Variants in TYRO3 observed in about 807,000 individuals in gnomAD.
TYRO3 encodes TYRO3 protein tyrosine kinase.
Under a neutral mutation model 95.2 loss-of-function variants are expected in TYRO3, and 38 were observed. That is an observed-to-expected ratio of 0.40 (90% CI 0.31 to 0.52). TYRO3 has a LOEUF of 0.52. Ranked by LOEUF, TYRO3 falls within the 20% of genes least tolerant of loss-of-function variation. The pLI is 0.56. For missense variants in TYRO3, 812 were observed against 1,116.4 expected, an observed-to-expected ratio of 0.73 and a Z score of 3.89; for synonymous variants, 367 against 432.9, an observed-to-expected ratio of 0.85 and a Z score of 1.89.
chr15:41,569,966 A>G, intron 9 of TYRO3, 61 bp from the exon 10 acceptor site: 2 of 1,563,420 alleles, frequency 1.3e-6, no homozygotes, highest in Non-Finnish European at 8.6e-7. Flanking sequence ...CATCCTGGGA[A>G]AGTTCTGAAG....
At chr15:41,573,152 G>T in intron 16 of TYRO3, 41 bp downstream of exon 16, 1 of 1,306,118 alleles carries the variant, frequency 7.7e-7, no homozygotes, top group Non-Finnish European at 1.1e-6. Flanking sequence ...GACAGCAGCA[G>T]GTGCCAAGAG....
At chr15:41,572,643 A>G in intron 15 of TYRO3, 79 bp downstream of exon 15, 1 of 1,585,976 alleles carries the variant, frequency 6.3e-7, no homozygotes, top group Non-Finnish European at 8.6e-7. Flanking sequence ...ACCCTGGCAG[A>G]GAGGGGCTTG....
intron 7 of TYRO3, 52 bp from the exon 8 acceptor site, chr15:41,568,165 T>G (rs2055747840): frequency 6.2e-7 from 1 of 1,608,196 alleles, no homozygotes; most frequent in South Asian, 1.1e-5. Flanking sequence ...TGCATGGAAT[T>G]ATGATGGTGG....
chr15:41,564,971 C>G, intron 5 of TYRO3, 55 bp from the exon 6 acceptor site: 1 of 1,230,626 alleles, frequency 8.1e-7, no homozygotes, highest in Non-Finnish European at 1.2e-6. Context: ...CCCATGCCTC[C>G]TGCTGCCTCT....
rs2055922951 is a variant in TYRO3, at chr15:41,581,547, T to C, written c.*3271T>C. 6.6e-6 allele frequency: 1 copy of C among 151,754 alleles called. No individual in the cohort carries two copies. The highest frequency in any genetic ancestry group is 1.5e-5 in the Non-Finnish European group (1 of 67,942). The allele number at this position is 151,754 out of a possible 1,614,324, so 9.4% of individuals were successfully genotyped here. ...TGATTGAAAAGACCTTCACTATCGG[T>C]TGGGGGCGGTGGCTGATGCCTGTAA... is the stretch of plus-strand genomic sequence containing the variant. On this transcript the variant is annotated 3_prime_UTR_variant, in exon 19 of 19. Coordinates refer to ENST00000263798, the MANE Select transcript of TYRO3 (RefSeq NM_006293.4).
chr15:41,561,828 C>G (rs569726784), intron 3 of TYRO3, 189 bp downstream of exon 3: 1 of 477,600 alleles, frequency 2.1e-6, no homozygotes, highest in African/African-American at 2.0e-5. Context: ...TATCTGAGAA[C>G]CAAGGGACCA....
intron 18 of TYRO3, among the ~76,000 whole-genome samples, chr15:41,576,712 G>A (rs1320338949): frequency 7.0e-6 from 1 of 143,882 alleles, no homozygotes; most frequent in Non-Finnish European, 1.5e-5. Context: ...CAGCCAGGCT[G>A]GAGTGCAGTA....
In TYRO3 at chr15:41,573,405, C is replaced by G. The variant is rs777901246; in HGVS notation, c.2083C>G (p.Pro695Ala). 1.9e-6 allele frequency: 3 copies of G among 1,614,272 alleles called. No individual in the cohort carries two copies. Among genetic ancestry groups the G allele is most frequent in the Non-Finnish European group, 2.5e-6 (3 of 1,180,058 alleles). Residue 695 changes from proline (P) to alanine (A), a missense_variant, in exon 17 of 19, where the codon CCT becomes GCT. By Grantham distance (27) the Pro-to-Ala change is conservative (BLOSUM62 -1). Coordinates refer to ENST00000263798, the MANE Select transcript of TYRO3 (RefSeq NM_006293.4). ...TCGTCAAGGCTGTGCCTCCAAACTGCCTGTCAAGTGGCTGGCCCTGGAGAG... is the reference window on the plus strand; with the variant it reads ...TCGTCAAGGCTGTGCCTCCAAACTGGCTGTCAAGTGGCTGGCCCTGGAGAG... ...YYRQGCASKLPVKWLALESLA... is the reference protein window; with the variant it reads ...YYRQGCASKLAVKWLALESLA...
At chr15:41,559,502 G>T (rs1252509556) in intron 1 of TYRO3, 121 bp downstream of exon 1, 1 of 271,854 alleles carries the variant, frequency 3.7e-6, no homozygotes, top group Non-Finnish European at 6.9e-6. Flanking sequence ...GCCGAAGGCC[G>T]AGGCTCGGAG....
rs1213943993 is a variant in TYRO3, at chr15:41,582,379, A to C, written c.*4103A>C. ...CCCTGTCTTTACTAAAAATACACAAAATTAGCCAGGTATGGTGGCAGGCAC... is the reference window on the plus strand; with the variant it reads ...CCCTGTCTTTACTAAAAATACACAACATTAGCCAGGTATGGTGGCAGGCAC... On this transcript the variant is annotated 3_prime_UTR_variant, in exon 19 of 19. Transcript: ENST00000263798. The C allele has an allele frequency of 6.6e-6, 1 of 152,078 alleles. No homozygotes were observed. Among genetic ancestry groups the C allele is most frequent in the Non-Finnish European group, 1.5e-5 (1 of 68,030 alleles). The allele number at this position is 152,078 out of a possible 1,614,324, so 9.4% of individuals were successfully genotyped here.
At chr15:41,566,371 C>T (rs1403840480) in intron 6 of TYRO3, among the ~76,000 whole-genome samples, 2 of 144,664 alleles carry the variant, frequency 1.4e-5, no homozygotes, top group African/African-American at 5.1e-5. Context: ...TCTGGCCCTC[C>T]TTTGGCCACA....
Position 41,578,031 on chromosome 15 carries a change from G to A in TYRO3, c.2428G>A (p.Ala810Thr), listed in dbSNP as rs780732445. 2 of 1,614,142 alleles carry A rather than the reference G, an allele frequency of 1.2e-6. No individual in the cohort carries two copies. Among genetic ancestry groups the A allele is most frequent in the Non-Finnish European group, 1.7e-6 (2 of 1,180,042 alleles). Reference sequence around the variant, plus strand: ...CCCCTTATACATCAACATCGAGAGAGCTGAGGAGCCCACTGCGGGAGGCAG... The same window carrying A: ...CCCCTTATACATCAACATCGAGAGAACTGAGGAGCCCACTGCGGGAGGCAG... ...QDPLYINIER[A>T]EEPTAGGSLE... The change falls in exon 19 of 19, where the codon GCT becomes ACT. Residue 810 changes from alanine (A) to threonine (T), a missense_variant. Ala to Thr is a moderately conservative substitution (Grantham distance 58, BLOSUM62 0). Coordinates refer to ENST00000263798, the MANE Select transcript of TYRO3 (RefSeq NM_006293.4).
Position 41,559,326 on chromosome 15 carries a change from C to A in TYRO3, c.69C>A (p.Leu23=). 2.4e-6 allele frequency: 1 copy of A among 412,314 alleles called. No individual in the cohort carries two copies. Among genetic ancestry groups the A allele is most frequent in the South Asian group, 1.2e-4 (1 of 8,640 alleles). 25.5% of individuals were successfully genotyped at this position (412,314 alleles called of 1,614,324 possible). A position where few individuals can be genotyped will look rare whatever the true frequency, so the allele number is the denominator to read the frequency against. Reference sequence around the variant, plus strand: ...TGCCGCTGCCGCCGCCACCGCGGCTCGGGCTGCTGCTGGCGGCTCTGGCTT... The same window carrying A: ...TGCCGCTGCCGCCGCCACCGCGGCTAGGGCTGCTGCTGGCGGCTCTGGCTT... ...PPLPLPPPPR[L]GLLLAALASL... Residue 23 remains leucine (L), a synonymous_variant, in exon 1 of 19, where the codon CTC becomes CTA. Coordinates refer to ENST00000263798, the MANE Select transcript of TYRO3 (RefSeq NM_006293.4).
intron 8 of TYRO3, 61 bp downstream of exon 8, chr15:41,568,423 G>C: frequency 6.6e-7 from 1 of 1,516,598 alleles, no homozygotes; most frequent in Non-Finnish European, 8.9e-7. Context: ...GGGTTCTAAG[G>C]CCTTTAAGAA....
chr15:41,562,817 G>C (rs998983135), intron 4 of TYRO3, 99 bp downstream of exon 4: 5 of 1,266,346 alleles, frequency 3.9e-6, no homozygotes, highest in Non-Finnish European at 5.4e-6. Flanking sequence ...GGTTGTGAGC[G>C]TCCAGAGCAA....
chr15:41,580,672 C>G lies in TYRO3; in HGVS notation c.*2396C>G, dbSNP rs915662825. ...GGAGTCTCGAGTCTCTCTCTGTCGCCCAGGCTAGAGTGCAGTGGTGTGATC... is the reference window on the plus strand; with the variant it reads ...GGAGTCTCGAGTCTCTCTCTGTCGCGCAGGCTAGAGTGCAGTGGTGTGATC... On this transcript the variant is annotated 3_prime_UTR_variant, in exon 19 of 19. Coordinates refer to ENST00000263798, the MANE Select transcript of TYRO3 (RefSeq NM_006293.4). 16 of 151,458 alleles carry G rather than the reference C, an allele frequency of 1.1e-4. No individual in the cohort carries two copies. The highest frequency in any genetic ancestry group is 3.9e-4 in the African/African-American group (16 of 41,236). The allele number at this position is 151,458 out of a possible 1,614,324, so 9.4% of individuals were successfully genotyped here.
rs62001448 is a variant in TYRO3 at position 41,573,327 on chromosome 15, G to A, written c.2005G>A (p.Val669Met). ...TTGTAGGCTGGCAGAGGACATGACA[G>A]TGTGTGTGGCTGACTTCGGACTCTC... The part of the protein sequence containing the change: ...RNCMLAEDMT[V>M]CVADFGLSRK... Residue 669 changes from valine to methionine, a missense_variant, in exon 17 of 19, where the codon GTG becomes ATG. Physicochemically the swap from Val to Met is conservative, Grantham distance 21. Transcript: ENST00000263798. 12 of 1,503,976 alleles carry A rather than the reference G, an allele frequency of 8.0e-6. No individual in the cohort carries two copies. Among genetic ancestry groups the A allele is most frequent in the East Asian group, 4.5e-5 (2 of 44,714 alleles). The allele number at this position is 1,503,976 out of a possible 1,614,324, so 93.2% of individuals were successfully genotyped here. A position where few individuals can be genotyped will look rare whatever the true frequency, so the allele number is the denominator to read the frequency against.
chr15:41,562,408 C>A, intron 3 of TYRO3, 140 bp from the exon 4 acceptor site: 1 of 710,812 alleles, frequency 1.4e-6, no homozygotes, highest in Non-Finnish European at 2.2e-6. Context: ...AGCTAGATGC[C>A]TGTTCTGCTG....
At position 41,561,556 on chromosome 15, in the gene TYRO3, G is replaced by T. The variant is rs867342220; in HGVS notation, c.326G>T (p.Arg109Leu). ...IGFLSLKSVE[R>L]SDAGRYWCQV... ...TTCCACAGCCTGAAGTCAGTGGAGC[G>T]CTCTGACGCCGGCCGGTACTGGTGC... The change falls in exon 3 of 19, where the codon CGC becomes CTC. Residue 109 changes from arginine to leucine, a missense_variant. Coordinates refer to ENST00000263798, the MANE Select transcript of TYRO3 (RefSeq NM_006293.4). 6.3e-7 allele frequency: 1 copy of T among 1,589,196 alleles called. No individual in the cohort carries two copies. Among genetic ancestry groups the T allele is most frequent in the Non-Finnish European group, 8.6e-7 (1 of 1,169,372 alleles).
Sources: allele counts gnomAD v4.1 joint callset (sites outside exome capture counted in the v4.1 genomes callset), GRCh38; gene constraint gnomAD v4.1.1; transcripts MANE v1.5; gene names NCBI Gene and HGNC (gene_info 2026-07-23, HGNC 2026-07-21).